SHB: variants seen among roughly 807,000 people sequenced by gnomAD.
SHB encodes the protein SH2 domain containing adaptor protein B, also known as SH2 domain-containing adapter protein B.
A neutral mutation model predicts 52.3 loss-of-function variants in SHB; 20 were observed. The ratio of observed to expected loss-of-function variants is 0.38; its 90% CI spans 0.27 to 0.56. The LOEUF is 0.56. SHB is among the 20% of genes least tolerant of loss of function. The pLI is 0.71. For synonymous variants in SHB, 397 were observed against 316.5 expected, an observed-to-expected ratio of 1.25 and a Z score of -2.70; for missense variants, 825 against 723.3, an observed-to-expected ratio of 1.14 and a Z score of -1.61.
At chr9:37,922,018 G>T (rs1367958457) in intron 5 of SHB, among the ~76,000 whole-genome samples, 1 of 152,240 alleles carries the variant, frequency 6.6e-6, no homozygotes, top group Non-Finnish European at 1.5e-5. Flanking sequence ...ACTCAGCAGG[G>T]AGGAGGGTAT....
chr9:38,059,816 G>A (rs1821869301), intron 1 of SHB, among the ~76,000 whole-genome samples: 1 of 152,178 alleles, frequency 6.6e-6, no homozygotes, highest in African/African-American at 2.4e-5. Flanking sequence ...CTCTGCCTCT[G>A]CTGTGAGGCA....
chr9:38,054,815 C>G (rs939196084), intron 1 of SHB, among the ~76,000 whole-genome samples: 1 of 152,072 alleles, frequency 6.6e-6, no homozygotes, highest in Non-Finnish European at 1.5e-5. Flanking sequence ...GCTCAAAAAG[C>G]TAGAGTAAAC....
At chr9:37,984,989 ACCT>A (rs781500349) in intron 2 of SHB, among the ~76,000 whole-genome samples, 1 of 152,102 alleles carries the variant, frequency 6.6e-6, no homozygotes, top group Non-Finnish European at 1.5e-5. Context: ...AGGAGGCCCC[ACCT>A]CCTCCTCATC....
intron 5 of SHB, among the ~76,000 whole-genome samples, chr9:37,946,873 T>C (rs1192092621): frequency 6.6e-6 from 1 of 152,176 alleles, no homozygotes; most frequent in Non-Finnish European, 1.5e-5. Context: ...CCTGGAGCAC[T>C]GAGGAAGCCC....
At chr9:38,053,378 C>T (rs748785176) in intron 1 of SHB, among the ~76,000 whole-genome samples, 2 of 152,152 alleles carry the variant, frequency 1.3e-5, no homozygotes, top group South Asian at 4.1e-4. Context: ...GCTGGGACTA[C>T]AGGCGCTTGC....
At chr9:37,963,119 C>T (rs1293963393) in intron 3 of SHB, among the ~76,000 whole-genome samples, 1 of 152,194 alleles carries the variant, frequency 6.6e-6, no homozygotes, top group Non-Finnish European at 1.5e-5. Flanking sequence ...AGCTGACAGT[C>T]TGCCGCACAT....
At chr9:38,032,671 C>T (rs529712047) in intron 1 of SHB, among the ~76,000 whole-genome samples, 107 of 152,322 alleles carry the variant, frequency 7.0e-4, no homozygotes, top group Middle Eastern at 3.4e-3. Flanking sequence ...GCTTCCAGCT[C>T]TCCTCTCCCT....
At chr9:38,009,306 G>A (rs913120887) in intron 2 of SHB, among the ~76,000 whole-genome samples, 1 of 152,228 alleles carries the variant, frequency 6.6e-6, no homozygotes, top group Non-Finnish European at 1.5e-5. Flanking sequence ...GTGGCTGGGG[G>A]TGGGGCAGGA....
rs1005269427 is a variant in SHB, at chr9:37,944,475, A to G, written c.1346+4160T>C. Among the ~76,000 whole-genome samples, 6 of 152,194 alleles carry G rather than the reference A, an allele frequency of 3.9e-5. 1 individual carries two copies. The highest frequency in any genetic ancestry group is 3.9e-4 in the Admixed American group (6 of 15,290). ...TGGGTCTCAAACACTTCTAGGTCTG[A>G]CGTCAGAAGACCTTTCGACTGAGTG... On this transcript the variant is annotated intron_variant, in intron 5 of 5. Transcript: ENST00000377707.
chr9:37,945,405 G>A (rs1324835807), intron 5 of SHB, among the ~76,000 whole-genome samples: 1 of 152,190 alleles, frequency 6.6e-6, no homozygotes, highest in Admixed American at 6.5e-5. Context: ...ACCAGCAGCT[G>A]GACTGGCCAT....
chr9:38,040,116 G>A (rs1193718303), intron 1 of SHB, among the ~76,000 whole-genome samples: 5 of 152,216 alleles, frequency 3.3e-5, no homozygotes, highest in South Asian at 2.1e-4. Flanking sequence ...CCCCATAGCC[G>A]CTATCTGCTG....
intron 1 of SHB, among the ~76,000 whole-genome samples, chr9:38,055,280 A>G (rs1335783554): frequency 1.3e-5 from 2 of 152,062 alleles, no homozygotes; most frequent in African/African-American, 2.4e-5. Context: ...TTCCTTTAAT[A>G]CCAATTTGTT....
intron 1 of SHB, among the ~76,000 whole-genome samples, chr9:38,055,014 T>G (rs3849926): frequency 1 from 152,240 of 152,340 alleles, 76,070 homozygotes; most frequent in Middle Eastern, 1. Flanking sequence ...TCATCTGGGA[T>G]CTTCAAAAAA....
At chr9:37,928,931 A>C (rs1587194891) in intron 5 of SHB, among the ~76,000 whole-genome samples, 1 of 152,290 alleles carries the variant, frequency 6.6e-6, no homozygotes, top group Non-Finnish European at 1.5e-5. Flanking sequence ...GGCTGGGCCA[A>C]GGCAGCCTCG....
chr9:37,932,365 T>C (rs1832322370), intron 5 of SHB, among the ~76,000 whole-genome samples: 1 of 148,808 alleles, frequency 6.7e-6, no homozygotes, highest in African/African-American at 2.5e-5. Flanking sequence ...TATGTAGAGA[T>C]GGAGAAAAAA....
At chr9:37,956,494 T>C (rs1462079385) in intron 3 of SHB, among the ~76,000 whole-genome samples, 1 of 152,196 alleles carries the variant, frequency 6.6e-6, no homozygotes, top group Non-Finnish European at 1.5e-5. Context: ...TGGCCACATC[T>C]GCCCCTTTCC....
At position 38,051,880 on chromosome 9, in the gene SHB, G is replaced by A. The variant is rs953560535; in HGVS notation, c.717+16049C>T. Among the ~76,000 whole-genome samples the A allele has an allele frequency of 2.0e-5, 3 of 152,258 alleles. No individual in the cohort carries two copies. In the East Asian group the frequency reaches 5.8e-4, roughly 29 times the overall value. ...TGAGCCCAGCAAACATCTTCATCGT[G>A]GCTAACATTTCTTTCCCTCTGGGGA... On this transcript the variant is annotated intron_variant, in intron 1 of 5. Coordinates refer to ENST00000377707, the MANE Select transcript of SHB (RefSeq NM_003028.3).
At chr9:38,052,501 C>T (rs767304394) in intron 1 of SHB, among the ~76,000 whole-genome samples, 15 of 152,198 alleles carry the variant, frequency 9.9e-5, no homozygotes, top group Non-Finnish European at 1.6e-4. Flanking sequence ...GACAAGCGCT[C>T]GGTCAATTTC....
chr9:37,948,189 A>G (rs1431452347), intron 5 of SHB, among the ~76,000 whole-genome samples: 1 of 152,168 alleles, frequency 6.6e-6, no homozygotes, highest in Admixed American at 6.5e-5. Flanking sequence ...AGTGGCAGAG[A>G]GTCATGGGCT....
Sources: allele counts gnomAD v4.1 joint callset (sites outside exome capture counted in the v4.1 genomes callset), GRCh38; gene constraint gnomAD v4.1.1; transcripts MANE v1.5; gene names NCBI Gene and HGNC (gene_info 2026-07-23, HGNC 2026-07-21).